NSMCE2: variants seen among roughly 807,000 people sequenced by gnomAD.
The protein encoded by NSMCE2 is E3 SUMO-protein ligase NSE2.
Under a neutral mutation model 23.8 loss-of-function variants are expected in NSMCE2, and 24 were observed. The observed-to-expected ratio is 1.01, with a 90% CI of 0.73 to 1.42. The LOEUF (loss-of-function observed/expected upper bound fraction) is 1.42. Ranked by LOEUF, NSMCE2 falls within the 40% of genes most tolerant of loss-of-function variation. The pLI, the probability that NSMCE2 is intolerant of heterozygous loss-of-function variation, is 0.00. For missense variants in NSMCE2, 284 were observed against 296.5 expected (o/e 0.96, Z 0.31); for synonymous variants, 92 against 94.1 (o/e 0.98, Z 0.13).
intron 4 of NSMCE2, among the ~76,000 whole-genome samples, chr8:125,170,376 C>CTTTTTTTTTTTTTTTTTTTTT (rs565593006): frequency 2.6e-5 from 1 of 37,836 alleles, no homozygotes; most frequent in African/African-American, 8.4e-5. Context: ...CTCTTTATTT[C>CTTTTTTTTTTTTTTTTTTTTT]TTTTTTTTTT....
At chr8:125,332,681 C>T (rs557458589) in intron 5 of NSMCE2, among the ~76,000 whole-genome samples, 1 of 152,344 alleles carries the variant, frequency 6.6e-6, no homozygotes, top group Admixed American at 6.5e-5. Context: ...GCTTTGTACA[C>T]TGCTATAGCA....
At chr8:125,365,929 C>T (rs1057415772) in intron 7 of NSMCE2, among the ~76,000 whole-genome samples, 4 of 152,188 alleles carry the variant, frequency 2.6e-5, no homozygotes, top group Admixed American at 1.3e-4. Context: ...TCCAACTGCT[C>T]TCCCTCTTGC....
chr8:125,276,333 T>C (rs1827448941), intron 5 of NSMCE2, among the ~76,000 whole-genome samples: 1 of 152,218 alleles, frequency 6.6e-6, no homozygotes, highest in African/African-American at 2.4e-5. Flanking sequence ...TGCTGTGTAG[T>C]TTTCCTGCCC....
chr8:125,133,631 C>A (rs1819887611), intron 3 of NSMCE2, among the ~76,000 whole-genome samples: 1 of 151,874 alleles, frequency 6.6e-6, no homozygotes, highest in African/African-American at 2.4e-5. Flanking sequence ...ATCCCCCCAG[C>A]TACTCTGGAG....
At chr8:125,205,993 A>G (rs1488711552) in intron 5 of NSMCE2, among the ~76,000 whole-genome samples, 2 of 152,238 alleles carry the variant, frequency 1.3e-5, no homozygotes, top group Non-Finnish European at 2.9e-5. Context: ...TAAGTGTTTT[A>G]TATACAGAGA....
chr8:125,289,657 T>C (rs1828034061), intron 5 of NSMCE2, among the ~76,000 whole-genome samples: 3 of 152,232 alleles, frequency 2.0e-5, no homozygotes. Flanking sequence ...TGATGAATAA[T>C]GAAGGAATAT....
intron 5 of NSMCE2, among the ~76,000 whole-genome samples, chr8:125,196,378 G>A (rs1007234001): frequency 6.6e-6 from 1 of 151,788 alleles, no homozygotes; most frequent in African/African-American, 2.4e-5. Flanking sequence ...GACAAGCCGT[G>A]GTGTGTGATG....
intron 5 of NSMCE2, among the ~76,000 whole-genome samples, chr8:125,199,802 T>C (rs1480292742): frequency 3.9e-5 from 6 of 152,186 alleles, no homozygotes; most frequent in African/African-American, 1.4e-4. Context: ...TATTATTGTG[T>C]GGGAGTCTAA....
At chr8:125,246,071 G>A (rs545971206) in intron 5 of NSMCE2, among the ~76,000 whole-genome samples, 11 of 152,076 alleles carry the variant, frequency 7.2e-5, no homozygotes, top group Non-Finnish European at 1.2e-4. Flanking sequence ...AACCATAGAC[G>A]TGTTGGGAAT....
At chr8:125,131,803 T>C (rs1378099791) in intron 3 of NSMCE2, among the ~76,000 whole-genome samples, 1 of 152,158 alleles carries the variant, frequency 6.6e-6, no homozygotes, top group Non-Finnish European at 1.5e-5. Context: ...TTCTGATACA[T>C]CCTGAAGTTT....
At chr8:125,302,420 T>G in intron 5 of NSMCE2, among the ~76,000 whole-genome samples, 4 of 151,548 alleles carry the variant, frequency 2.6e-5, no homozygotes, top group East Asian at 1.9e-4. Context: ...ATGGAATGAG[T>G]GAGGGAAAGG....
intron 5 of NSMCE2, among the ~76,000 whole-genome samples, chr8:125,263,056 G>A (rs1357645380): frequency 6.6e-6 from 1 of 152,106 alleles, no homozygotes; most frequent in African/African-American, 2.4e-5. Flanking sequence ...GAGGTAGCTG[G>A]GGGAATGATA....
chr8:125,202,900 A>G (rs1356709194), intron 5 of NSMCE2, among the ~76,000 whole-genome samples: 2 of 152,220 alleles, frequency 1.3e-5, no homozygotes, highest in Admixed American at 6.5e-5. Flanking sequence ...GGTGGGAACA[A>G]AAAAATGTTG....
chr8:125,213,974 C>T (rs1041924407), intron 5 of NSMCE2, among the ~76,000 whole-genome samples: 12 of 152,170 alleles, frequency 7.9e-5, no homozygotes, highest in Non-Finnish European at 2.9e-5. Context: ...TATCTGGATA[C>T]TCTGTGAACA....
intron 5 of NSMCE2, among the ~76,000 whole-genome samples, chr8:125,315,705 T>A (rs1219743631): frequency 6.6e-6 from 1 of 152,218 alleles, no homozygotes; most frequent in Non-Finnish European, 1.5e-5. Flanking sequence ...ACTGTAACTG[T>A]ACAGAGAAAG....
intron 5 of NSMCE2, among the ~76,000 whole-genome samples, chr8:125,273,935 A>C (rs925639052): frequency 1.6e-4 from 24 of 152,334 alleles, no homozygotes; most frequent in African/African-American, 5.3e-4. Flanking sequence ...GCAGGTGCCC[A>C]GGCTTTTTCT....
At chr8:125,168,974 G>A (rs1234157916) in intron 4 of NSMCE2, among the ~76,000 whole-genome samples, 1 of 151,096 alleles carries the variant, frequency 6.6e-6, no homozygotes. Context: ...GTGTAGATGA[G>A]GAAGCTAGGG....
chr8:125,198,211 C>A (rs1431564336), intron 5 of NSMCE2, among the ~76,000 whole-genome samples: 1 of 152,174 alleles, frequency 6.6e-6, no homozygotes, highest in East Asian at 1.9e-4. Flanking sequence ...CTGGCCAGAA[C>A]TTCCAACACT....
intron 5 of NSMCE2, among the ~76,000 whole-genome samples, chr8:125,338,521 T>G (rs1180289997): frequency 1.3e-5 from 2 of 152,180 alleles, no homozygotes; most frequent in Non-Finnish European, 2.9e-5. Flanking sequence ...CCAAGTGGAA[T>G]AGAAAACCAA....
Sources: gnomAD v4.1 joint callset for allele counts (sites outside exome capture counted in the v4.1 genomes callset) on GRCh38, gnomAD v4.1.1 for gene constraint, MANE v1.5 for transcripts, NCBI Gene and HGNC (gene_info 2026-07-23, HGNC 2026-07-21) for gene names.